STAG1: variants seen among roughly 807,000 people sequenced by gnomAD.
STAG1 encodes the protein cohesin subunit SA-1.
Under a neutral mutation model 170.9 loss-of-function variants are expected in STAG1, and 26 were observed. That is an observed-to-expected ratio of 0.15 (90% CI 0.11 to 0.21). The LOEUF (loss-of-function observed/expected upper bound fraction) is 0.21, where lower values mean the gene tolerates loss of function less well. Among genes scored for constraint, STAG1 ranks in the 10% least tolerant of loss-of-function variants. The pLI is 1.00. For missense variants in STAG1, 964 were observed against 1,509.5 expected (o/e 0.64, Z 5.99); for synonymous variants, 514 against 497.7 (o/e 1.03, Z -0.44).
chr3:136,497,180 C>T (rs1343468438), intron 9 of STAG1, among the ~76,000 whole-genome samples: 1 of 151,930 alleles, frequency 6.6e-6, no homozygotes, highest in African/African-American at 2.4e-5. Context: ...AATACCAGTT[C>T]TATCAAACTC....
intron 25 of STAG1, among the ~76,000 whole-genome samples, chr3:136,364,151 C>T (rs560938907): frequency 6.6e-6 from 1 of 151,940 alleles, no homozygotes. Flanking sequence ...GGCATGATCT[C>T]GGCTCACTAC....
At chr3:136,673,954 T>C (rs1942050760) in intron 1 of STAG1, among the ~76,000 whole-genome samples, 1 of 151,182 alleles carries the variant, frequency 6.6e-6, no homozygotes, top group Admixed American at 6.6e-5. Context: ...AATACAACAA[T>C]TGGCCAGGCG....
At chr3:136,367,299 T>G (rs1937111572) in intron 24 of STAG1, among the ~76,000 whole-genome samples, 1 of 152,144 alleles carries the variant, frequency 6.6e-6, no homozygotes, top group Non-Finnish European at 1.5e-5. Context: ...GGTTTCTGTC[T>G]TCTTAGGAGA....
intron 1 of STAG1, among the ~76,000 whole-genome samples, chr3:136,726,310 TCC>T (rs1375253087): frequency 2.0e-5 from 3 of 152,188 alleles, no homozygotes; most frequent in Non-Finnish European, 4.4e-5. Flanking sequence ...TAGGTTTCTA[TCC>T]ACTGATGCCA....
At chr3:136,629,184 T>C (rs1020339876) in intron 2 of STAG1, among the ~76,000 whole-genome samples, 17 of 152,212 alleles carry the variant, frequency 1.1e-4, no homozygotes, top group Non-Finnish European at 2.9e-5. Flanking sequence ...AACCTCTGTT[T>C]CATATTTTAT....
At chr3:136,718,565 T>C (rs1270337738) in intron 1 of STAG1, among the ~76,000 whole-genome samples, 2 of 152,196 alleles carry the variant, frequency 1.3e-5, no homozygotes, top group Non-Finnish European at 2.9e-5. Flanking sequence ...ATGATTCTTC[T>C]TCTATGGTAA....
At chr3:136,373,185 G>A (rs1319613977) in intron 23 of STAG1, among the ~76,000 whole-genome samples, 4 of 152,036 alleles carry the variant, frequency 2.6e-5, no homozygotes, top group South Asian at 2.1e-4. Context: ...CTGTAGGATC[G>A]GTGGTGATAT....
intron 1 of STAG1, among the ~76,000 whole-genome samples, chr3:136,659,797 G>A (rs1941515598): frequency 6.6e-6 from 1 of 152,186 alleles, no homozygotes; most frequent in Non-Finnish European, 1.5e-5. Context: ...GGGCCATCAA[G>A]GGTAATGAAT....
chr3:136,457,471 C>T (rs2089147979), intron 13 of STAG1, among the ~76,000 whole-genome samples: 1 of 152,204 alleles, frequency 6.6e-6, no homozygotes, highest in African/African-American at 2.4e-5. Context: ...TCCTCACCAC[C>T]TGCTTCTTTC....
intron 6 of STAG1, among the ~76,000 whole-genome samples, chr3:136,533,506 G>C (rs188665222): frequency 2.7e-4 from 41 of 152,268 alleles, no homozygotes; most frequent in Admixed American, 1.5e-3. Flanking sequence ...TCGTCTTATG[G>C]TGAGGTCCTC....
intron 15 of STAG1, among the ~76,000 whole-genome samples, chr3:136,440,884 G>A (rs2107758690): frequency 6.6e-6 from 1 of 152,210 alleles, no homozygotes; most frequent in South Asian, 2.1e-4. Context: ...AACCACTTGG[G>A]AGGCTGAGGT....
At chr3:136,425,397 A>G (rs1408497633) in intron 16 of STAG1, among the ~76,000 whole-genome samples, 1 of 152,164 alleles carries the variant, frequency 6.6e-6, no homozygotes, top group African/African-American at 2.4e-5. Flanking sequence ...ATATATCTGT[A>G]TGTGTACATG....
chr3:136,462,720 C>T (rs1415362642), intron 13 of STAG1, among the ~76,000 whole-genome samples: 2 of 151,946 alleles, frequency 1.3e-5, no homozygotes, highest in Non-Finnish European at 2.9e-5. Context: ...GATGGATATC[C>T]CATTTACCTA....
At chr3:136,693,284 C>T (rs913127417) in intron 1 of STAG1, among the ~76,000 whole-genome samples, 3 of 152,156 alleles carry the variant, frequency 2.0e-5, no homozygotes, top group Non-Finnish European at 4.4e-5. Context: ...AACACCGTGG[C>T]TGGTTGAGAC....
At chr3:136,341,842 A>G (rs933317048) in intron 30 of STAG1, among the ~76,000 whole-genome samples, 2 of 152,338 alleles carry the variant, frequency 1.3e-5, no homozygotes, top group East Asian at 3.9e-4. Context: ...TCACAGGTGT[A>G]CCTAGCTGGA....
chr3:136,650,361 A>G (rs776363356), intron 1 of STAG1, among the ~76,000 whole-genome samples: 13 of 152,234 alleles, frequency 8.5e-5, no homozygotes, highest in Non-Finnish European at 1.8e-4. Flanking sequence ...TATGAAGAAA[A>G]TAGTCATTTT....
intron 3 of STAG1, among the ~76,000 whole-genome samples, chr3:136,615,616 A>T (rs1048959770): frequency 5.9e-5 from 9 of 151,344 alleles, no homozygotes; most frequent in Non-Finnish European, 8.8e-5. Flanking sequence ...ATCTCTACTA[A>T]AAATACAAAA....
At chr3:136,558,765 T>C (rs1401384956) in intron 5 of STAG1, among the ~76,000 whole-genome samples, 2 of 152,198 alleles carry the variant, frequency 1.3e-5, no homozygotes, top group African/African-American at 4.8e-5. Flanking sequence ...CACCCCTCAG[T>C]ACGCAAACTA....
At chr3:136,675,371 A>C (rs1483314683) in intron 1 of STAG1, among the ~76,000 whole-genome samples, 1 of 152,182 alleles carries the variant, frequency 6.6e-6, no homozygotes, top group Non-Finnish European at 1.5e-5. Context: ...AATCATAGAG[A>C]CATCTGTCCT....
Sources: gnomAD v4.1 joint callset for allele counts (sites outside exome capture counted in the v4.1 genomes callset) on GRCh38, gnomAD v4.1.1 for gene constraint, MANE v1.5 for transcripts, NCBI Gene and HGNC (gene_info 2026-07-23, HGNC 2026-07-21) for gene names.